IPO8: variants seen among roughly 807,000 people sequenced by gnomAD.
IPO8 encodes the protein importin 8.
IPO8 carries 65 observed loss-of-function variants against 141.2 expected under a neutral mutation model. That is an observed-to-expected ratio of 0.46 (90% confidence interval 0.38 to 0.57). IPO8 has a LOEUF of 0.57. Among genes scored for constraint, IPO8 ranks in the 20% least tolerant of loss-of-function variants. The pLI, the probability that IPO8 is intolerant of heterozygous loss-of-function variation, is 0.00. For missense variants in IPO8, 980 were observed against 1,246.8 expected (o/e 0.79, Z 3.22); for synonymous variants, 411 against 420.3 (o/e 0.98, Z 0.27).
chr12:30,664,941 T>C (rs2052941035), intron 13 of IPO8, among the ~76,000 whole-genome samples: 1 of 152,162 alleles, frequency 6.6e-6, no homozygotes, highest in African/African-American at 2.4e-5. Context: ...GGTTTCACCA[T>C]GTTGGCCAGG....
chr12:30,638,538 A>G (rs2052533264), intron 21 of IPO8, among the ~76,000 whole-genome samples: 1 of 152,210 alleles, frequency 6.6e-6, no homozygotes, highest in Non-Finnish European at 1.5e-5. Context: ...GAAGAATACT[A>G]TTAATTTCCA....
At chr12:30,681,367 C>G in intron 4 of IPO8, among the ~76,000 whole-genome samples, 1 of 152,166 alleles carries the variant, frequency 6.6e-6, no homozygotes, top group East Asian at 1.9e-4. Context: ...ATAAAGGTAT[C>G]TCTATATCAG....
At chr12:30,679,694 G>A (rs1679804528) in intron 5 of IPO8, among the ~76,000 whole-genome samples, 1 of 152,070 alleles carries the variant, frequency 6.6e-6, no homozygotes, top group African/African-American at 2.4e-5. Flanking sequence ...AATAGTTTAA[G>A]TATCTAAGTC....
intron 20 of IPO8, among the ~76,000 whole-genome samples, chr12:30,640,927 C>T (rs954795903): frequency 6.6e-6 from 1 of 152,146 alleles, no homozygotes; most frequent in Admixed American, 6.5e-5. Flanking sequence ...GATCAGATCA[C>T]TACACATTGT....
At chr12:30,642,107 A>G (rs4931357) in intron 20 of IPO8, among the ~76,000 whole-genome samples, 8,978 of 152,162 alleles carry the variant, frequency 0.059, 353 homozygotes, top group Middle Eastern at 0.12. Flanking sequence ...GAGGCAGGAG[A>G]ATCACTTGAA....
At chr12:30,647,603 C>CAAAAAAA (rs34098076) in intron 20 of IPO8, among the ~76,000 whole-genome samples, 6 of 40,772 alleles carry the variant, frequency 1.5e-4, no homozygotes, top group Non-Finnish European at 1.7e-4. Context: ...AGACCGTCTC[C>CAAAAAAA]AAAAAAAAAA....
At chr12:30,690,239 G>T (rs1312183916) in intron 2 of IPO8, among the ~76,000 whole-genome samples, 2 of 152,128 alleles carry the variant, frequency 1.3e-5, no homozygotes, top group African/African-American at 4.8e-5. Context: ...AAAAATAAGG[G>T]CAAAGTTACA....
chr12:30,637,340 T>A (rs2052517057), intron 21 of IPO8, among the ~76,000 whole-genome samples, 153 bp from the exon 22 acceptor site: 1 of 152,214 alleles, frequency 6.6e-6, no homozygotes, highest in Admixed American at 6.5e-5. Context: ...CTGTATGAAA[T>A]GCTATGTAAA....
chr12:30,642,264 T>C (rs746817766), intron 20 of IPO8, among the ~76,000 whole-genome samples: 6 of 151,984 alleles, frequency 3.9e-5, no homozygotes, highest in Non-Finnish European at 8.8e-5. Context: ...ATGGAAATAA[T>C]AGGTACGGGG....
chr12:30,650,684 C>T (rs570504898), intron 19 of IPO8, among the ~76,000 whole-genome samples: 1 of 152,180 alleles, frequency 6.6e-6, no homozygotes, highest in South Asian at 2.1e-4. Context: ...TAATTACTCC[C>T]TTTTCTCAAA....
At chr12:30,675,140 T>C (rs1445448491) in intron 6 of IPO8, among the ~76,000 whole-genome samples, 2 of 152,212 alleles carry the variant, frequency 1.3e-5, no homozygotes, top group Non-Finnish European at 2.9e-5. Flanking sequence ...GTAAGCTAAA[T>C]GTCAAAATAC....
intron 2 of IPO8, among the ~76,000 whole-genome samples, chr12:30,684,672 A>C (rs1383191891): frequency 1.3e-5 from 2 of 152,238 alleles, no homozygotes; most frequent in Non-Finnish European, 2.9e-5. Context: ...CATTTCATTA[A>C]GTCAAGACCC....
rs146697629 is a variant in IPO8 at position 30,644,653 on chromosome 12, G to A, written c.2268+4484C>T. Among the ~76,000 whole-genome samples, 3 of 128,156 alleles carry A rather than the reference G, an allele frequency of 2.3e-5. No individual in the cohort carries two copies. The South Asian group carries it at 7.9e-4, about 34-fold the overall frequency. The allele number at this position is 128,156 out of a possible 152,430, so 84.1% of individuals were successfully genotyped here. Reference sequence around the variant, plus strand: ...TTGCTTTTTGGTGTTTTTTTTTTTTGTTTTTTTTTTTTTTTGGAGACAGAG... The same window carrying A: ...TTGCTTTTTGGTGTTTTTTTTTTTTATTTTTTTTTTTTTTTGGAGACAGAG... On this transcript the variant is annotated intron_variant, in intron 20 of 24. Transcript: ENST00000256079.
At chr12:30,669,311 C>G (rs759784778) in intron 9 of IPO8, 29 bp from the exon 10 acceptor site, 1 of 1,010,842 alleles carries the variant, frequency 9.9e-7, no homozygotes, top group Non-Finnish European at 1.5e-6. Context: ...AAAAACGTAA[C>G]AAATGGGTAT....
chr12:30,652,170 C>T, intron 19 of IPO8, 22 bp downstream of exon 19: 1 of 1,370,816 alleles, frequency 7.3e-7, no homozygotes, highest in Non-Finnish European at 1.0e-6. Context: ...ACCACTGAAA[C>T]AATAGATTAG....
chr12:30,639,910 G>C (rs1266980132), intron 20 of IPO8, among the ~76,000 whole-genome samples, 175 bp from the exon 21 acceptor site: 10 of 152,162 alleles, frequency 6.6e-5, no homozygotes, highest in Non-Finnish European at 1.5e-4. Context: ...AACCTAGAGA[G>C]ACTAAATAGA....
intron 16 of IPO8, among the ~76,000 whole-genome samples, chr12:30,657,901 G>A (rs1341791354): frequency 1.3e-5 from 2 of 151,860 alleles, no homozygotes; most frequent in African/African-American, 4.8e-5. Context: ...CGAAAACCTG[G>A]TTTAAAAAAA....
At chr12:30,631,260 G>A (rs909056207) in intron 24 of IPO8, among the ~76,000 whole-genome samples, 4 of 152,176 alleles carry the variant, frequency 2.6e-5, no homozygotes, top group Non-Finnish European at 4.4e-5. Flanking sequence ...ATATCAGGAA[G>A]GCTGACTGAG....
Position 30,680,616 on chromosome 12 carries a change from C to T in IPO8, c.505G>A (p.Glu169Lys). ...TYEYKKAEEREPLIIAMQIFL... is the reference protein window; with the variant it reads ...TYEYKKAEERKPLIIAMQIFL... ...ATCTGCATTGCTATTATAAGAGGTT[C>T]TCTCTCTTCTGCTTTCTTATATCTA... is the stretch of plus-strand genomic sequence containing the variant. Residue 169 changes from glutamate (E) to lysine (K), a missense_variant, in exon 5 of 25, where the codon GAA (glutamate) becomes AAA (lysine). Coordinates refer to ENST00000256079, the MANE Select transcript of IPO8 (RefSeq NM_006390.4). The T allele has an allele frequency of 6.2e-7, 1 of 1,611,022 alleles. No homozygotes were observed. Among genetic ancestry groups the T allele is most frequent in the Non-Finnish European group, 8.5e-7 (1 of 1,178,930 alleles).
Sources: allele counts gnomAD v4.1 joint callset (sites outside exome capture counted in the v4.1 genomes callset), GRCh38; gene constraint gnomAD v4.1.1; transcripts MANE v1.5; gene names NCBI Gene and HGNC (gene_info 2026-07-23, HGNC 2026-07-21).